LINGO2: variants seen among roughly 807,000 people sequenced by gnomAD.
LINGO2 encodes leucine rich repeat and Ig domain containing 2, also known as leucine-rich repeat and immunoglobulin-like domain-containing nogo receptor-interacting protein 2.
Under a neutral mutation model 30.6 loss-of-function variants are expected in LINGO2, and 14 were observed. The ratio of observed to expected loss-of-function variants is 0.46; its 90% confidence interval spans 0.30 to 0.72. The LOEUF (loss-of-function observed/expected upper bound fraction) is 0.72. Among genes scored for constraint, LINGO2 ranks in the 30% least tolerant of loss-of-function variants. The pLI is 0.07. For synonymous variants in LINGO2, 317 were observed against 288.5 expected (o/e 1.10, Z -1.00); for missense variants, 729 against 751.7 (o/e 0.97, Z 0.35).
rs534245546 is a variant in LINGO2 at position 28,334,847 on chromosome 9, G to T, written c.-246+37989C>A. 4.7e-4 allele frequency among the ~76,000 whole-genome samples: 72 copies of T among 152,228 alleles called. 1 individual carries two copies. Among genetic ancestry groups the T allele is most frequent in the Admixed American group, 1.4e-3 (22 of 15,274 alleles). ...TGTATTCAGACAGCTATGAAGAGAG[G>T]ATTCCCGGAGGCCTTGGCCCCATTT... On this transcript the variant is annotated intron_variant, in intron 3 of 5. Coordinates refer to ENST00000379992, the Ensembl canonical transcript of LINGO2.
chr9:28,167,096 G>A (rs903775925), intron 4 of LINGO2, among the ~76,000 whole-genome samples: 1 of 151,616 alleles, frequency 6.6e-6, no homozygotes, highest in Non-Finnish European at 1.5e-5. Flanking sequence ...AGAGCCTCAA[G>A]GGAATGTATA....
chr9:28,956,323 C>T, the LINGO2 span, among the ~76,000 whole-genome samples: 1 of 152,104 alleles, frequency 6.6e-6, no homozygotes, highest in African/African-American at 2.4e-5. Flanking sequence ...GCACCAGCTG[C>T]TGTGATGCCA....
chr9:28,545,650 G>C (rs1821897714), intron 1 of LINGO2, among the ~76,000 whole-genome samples: 1 of 151,690 alleles, frequency 6.6e-6, no homozygotes. Flanking sequence ...TGAAAGGAGA[G>C]GAAAAAGAGG....
At chr9:28,380,213 A>G (rs1234844421) in intron 2 of LINGO2, among the ~76,000 whole-genome samples, 1 of 152,014 alleles carries the variant, frequency 6.6e-6, no homozygotes, top group Non-Finnish European at 1.5e-5. Context: ...TTCATTTAAT[A>G]AACAGGTTTC....
chr9:28,697,414 T>G, the LINGO2 span, among the ~76,000 whole-genome samples: 1 of 151,970 alleles, frequency 6.6e-6, no homozygotes, highest in Non-Finnish European at 1.5e-5. Context: ...CGACTATATA[T>G]TTTTTAAAAA....
chr9:28,260,681 C>G (rs1054779220), intron 4 of LINGO2, among the ~76,000 whole-genome samples: 1 of 151,848 alleles, frequency 6.6e-6, no homozygotes, highest in Non-Finnish European at 1.5e-5. Flanking sequence ...TAGAATTATA[C>G]CTATACCTGT....
chr9:28,844,746 T>C, the LINGO2 span, among the ~76,000 whole-genome samples: 9 of 151,784 alleles, frequency 5.9e-5, no homozygotes, highest in African/African-American at 1.7e-4. Context: ...AAGTAGACTA[T>C]TGGTATTATT....
At chr9:28,338,167 T>C (rs1825650783) in intron 3 of LINGO2, among the ~76,000 whole-genome samples, 1 of 152,208 alleles carries the variant, frequency 6.6e-6, no homozygotes, top group African/African-American at 2.4e-5. Flanking sequence ...TCTTGCATCA[T>C]TGTGTCCTGG....
At chr9:29,152,681 T>A in the LINGO2 span, among the ~76,000 whole-genome samples, 12 of 152,180 alleles carry the variant, frequency 7.9e-5, no homozygotes, top group African/African-American at 2.9e-4. Flanking sequence ...AAAAACTACC[T>A]GTTGCATACT....
the LINGO2 span, among the ~76,000 whole-genome samples, chr9:29,168,371 T>C: frequency 2.4e-4 from 36 of 152,184 alleles, no homozygotes; most frequent in African/African-American, 8.2e-4. Context: ...TGCTAAAAAA[T>C]GTGCTTAAGT....
At chr9:28,934,004 G>A in the LINGO2 span, among the ~76,000 whole-genome samples, 1 of 152,170 alleles carries the variant, frequency 6.6e-6, no homozygotes, top group African/African-American at 2.4e-5. Flanking sequence ...ACATAAGGAT[G>A]TGGGAATCCT....
chr9:28,623,681 C>A (rs1826519283), intron 1 of LINGO2, among the ~76,000 whole-genome samples: 1 of 151,802 alleles, frequency 6.6e-6, no homozygotes, highest in Non-Finnish European at 1.5e-5. Flanking sequence ...TATTCTGGGT[C>A]TTTTGTGCTT....
downstream of LINGO2, among the ~76,000 whole-genome samples, chr9:27,946,359 G>A (rs187612712): frequency 1.1e-4 from 17 of 152,156 alleles, no homozygotes; most frequent in Non-Finnish European, 1.8e-4. Context: ...GTATGGGACC[G>A]CTGAGAAAAT....
intron 4 of LINGO2, among the ~76,000 whole-genome samples, chr9:28,232,924 A>C (rs544935599): frequency 6.6e-6 from 1 of 151,032 alleles, no homozygotes; most frequent in East Asian, 2.0e-4. Flanking sequence ...GCATATGGGA[A>C]ATACCCTGGT....
intron 1 of LINGO2, among the ~76,000 whole-genome samples, chr9:28,539,448 A>C (rs887516679): frequency 6.6e-6 from 1 of 152,132 alleles, no homozygotes; most frequent in Non-Finnish European, 1.5e-5. Context: ...AAATGAACAC[A>C]CATTATGTTT....
intron 4 of LINGO2, among the ~76,000 whole-genome samples, chr9:28,014,723 AATTAT>A (rs1822739971): frequency 6.6e-6 from 1 of 152,190 alleles, no homozygotes; most frequent in Non-Finnish European, 1.5e-5. Context: ...TTGAGCCACA[AATTAT>A]ATTTTGTGAC....
the LINGO2 span, among the ~76,000 whole-genome samples, chr9:29,160,834 C>T: frequency 6.6e-6 from 1 of 152,168 alleles, no homozygotes; most frequent in Admixed American, 6.5e-5. Context: ...ACATCCAGGC[C>T]TGCATGACTC....
intron 3 of LINGO2, among the ~76,000 whole-genome samples, chr9:28,339,808 C>T (rs556074968): frequency 1.3e-5 from 2 of 152,184 alleles, no homozygotes; most frequent in South Asian, 4.2e-4. Context: ...TTCATTCCTA[C>T]AGGAGTCAAA....
chr9:28,404,055 C>T (rs867369127), intron 2 of LINGO2, among the ~76,000 whole-genome samples: 24 of 152,186 alleles, frequency 1.6e-4, no homozygotes, highest in African/African-American at 5.5e-4. Context: ...AAAATCTTTT[C>T]CCCTTAAAAA....
Sources: allele counts gnomAD v4.1 joint callset (sites outside exome capture counted in the v4.1 genomes callset), GRCh38; gene constraint gnomAD v4.1.1; transcripts MANE v1.5; gene names NCBI Gene and HGNC (gene_info 2026-07-23, HGNC 2026-07-21).